Variants in RBMS3 observed in about 807,000 individuals in gnomAD.
RBMS3 encodes RNA-binding motif, single-stranded-interacting protein 3.
RBMS3 carries 27 observed loss-of-function variants against 66.8 expected under a neutral mutation model. The observed-to-expected ratio is 0.40, with a 90% CI of 0.30 to 0.56. The LOEUF is 0.56. Among genes scored for constraint, RBMS3 ranks in the 20% least tolerant of loss-of-function variants. The pLI, the probability that RBMS3 is intolerant of heterozygous loss-of-function variation, is 0.40. For synonymous variants in RBMS3, 188 were observed against 183.0 expected, an observed-to-expected ratio of 1.03 and a Z score of -0.22; for missense variants, 513 against 549.5, an observed-to-expected ratio of 0.93 and a Z score of 0.66.
At chr3:29,538,400 A>G (rs115564711) in intron 3 of RBMS3, among the ~76,000 whole-genome samples, 2,742 of 152,334 alleles carry the variant, frequency 0.018, 28 homozygotes, top group Non-Finnish European at 0.024. Context: ...GGAAAGAGAT[A>G]TATACGATTA....
chr3:29,832,704 A>G (rs1006210557), intron 6 of RBMS3, among the ~76,000 whole-genome samples: 3 of 152,156 alleles, frequency 2.0e-5, no homozygotes, highest in Admixed American at 2.0e-4. Context: ...AATTAGCATG[A>G]CTGAGTGGTT....
rs540249764 is a variant in RBMS3, at chr3:29,947,177, T to C, written c.1098+2923T>C. ...TACTTGGATTTAAGATTTTGGATAA[T>C]GAACTATTTCTTGGCAAAGTTTGAA... On this transcript the variant is annotated intron_variant, in intron 12 of 14. Transcript: ENST00000383767. Among the ~76,000 whole-genome samples, 8 of 151,678 alleles carry C rather than the reference T, an allele frequency of 5.3e-5. No homozygotes were observed. In the South Asian group the frequency reaches 1.7e-3, roughly 31 times the overall value.
chr3:29,552,404 A>G (rs1183723657), intron 3 of RBMS3, among the ~76,000 whole-genome samples: 2 of 152,200 alleles, frequency 1.3e-5, no homozygotes, highest in African/African-American at 4.8e-5. Flanking sequence ...TCTTTAATGA[A>G]AACAGTCTTT....
chr3:29,533,154 C>T (rs1036774040), intron 3 of RBMS3, among the ~76,000 whole-genome samples: 1 of 152,106 alleles, frequency 6.6e-6, no homozygotes, highest in Non-Finnish European at 1.5e-5. Flanking sequence ...CATTTTAATG[C>T]AGTTATTTTT....
intron 4 of RBMS3, among the ~76,000 whole-genome samples, chr3:29,673,482 A>G (rs1278356738): frequency 6.6e-6 from 1 of 151,628 alleles, no homozygotes; most frequent in African/African-American, 2.4e-5. Context: ...TTTTTAAAAG[A>G]TCAACAAAAT....
chr3:29,313,768 A>G (rs2034516833), intron 1 of RBMS3, among the ~76,000 whole-genome samples: 1 of 151,646 alleles, frequency 6.6e-6, no homozygotes, highest in South Asian at 2.1e-4. Flanking sequence ...TGTGCCAAAC[A>G]GGTGACTGGT....
At chr3:29,310,128 A>T (rs1368045442) in intron 1 of RBMS3, among the ~76,000 whole-genome samples, 1 of 151,734 alleles carries the variant, frequency 6.6e-6, no homozygotes, top group Non-Finnish European at 1.5e-5. Flanking sequence ...TCAAGGGCAC[A>T]GGTGGAGCAA....
chr3:29,282,210 A>G (rs1212111942), intron 1 of RBMS3, among the ~76,000 whole-genome samples: 2 of 152,104 alleles, frequency 1.3e-5, no homozygotes, highest in Non-Finnish European at 2.9e-5. Flanking sequence ...CAAACTTTTA[A>G]TCGCAGGGTA....
At chr3:29,864,827 G>A (rs536857595) in intron 6 of RBMS3, among the ~76,000 whole-genome samples, 89 of 81,996 alleles carry the variant, frequency 1.1e-3, no homozygotes, top group African/African-American at 3.0e-3. Context: ...AGGAAGGAAG[G>A]GAAGGGAAGG....
intron 2 of RBMS3, among the ~76,000 whole-genome samples, chr3:29,456,431 G>A (rs2042193041): frequency 6.6e-6 from 1 of 152,162 alleles, no homozygotes; most frequent in Non-Finnish European, 1.5e-5. Flanking sequence ...CACAGCAGCA[G>A]CGATGAGCTT....
chr3:29,449,631 A>G (rs1304655699), intron 2 of RBMS3, among the ~76,000 whole-genome samples: 2 of 152,216 alleles, frequency 1.3e-5, no homozygotes, highest in Non-Finnish European at 2.9e-5. Flanking sequence ...TGTTAATTAA[A>G]CAAAACACTT....
intron 14 of RBMS3, among the ~76,000 whole-genome samples, chr3:29,996,467 T>C (rs1699250379): frequency 6.7e-6 from 1 of 149,886 alleles, no homozygotes; most frequent in African/African-American, 2.5e-5. Context: ...GAATATACAT[T>C]TTTTTCAGCA....
At position 29,719,730 on chromosome 3, in the gene RBMS3, G is replaced by A. The variant is rs190803302; in HGVS notation, c.400-19990G>A. On this transcript the variant is annotated intron_variant, in intron 4 of 14. Coordinates refer to ENST00000383767, the MANE Select transcript of RBMS3 (RefSeq NM_001003793.3). The stretch of plus-strand genomic sequence containing the variant: ...AGTCAAAACCCTGAGATCATCCTTG[G>A]ACTTTCTTTTCTCAAATTCCTCAAA... Among the ~76,000 whole-genome samples the A allele has an allele frequency of 6.6e-5, 10 of 152,212 alleles. No individual in the cohort carries two copies. The East Asian group carries it at 1.9e-3, about 29-fold the overall frequency.
intron 2 of RBMS3, among the ~76,000 whole-genome samples, chr3:29,447,579 A>G (rs2041876413): frequency 1.3e-5 from 2 of 152,208 alleles, no homozygotes; most frequent in Non-Finnish European, 2.9e-5. Context: ...CATTTCTTGA[A>G]TAGTAAAGAT....
At chr3:29,360,591 C>A (rs1392483421) in intron 1 of RBMS3, among the ~76,000 whole-genome samples, 3 of 152,006 alleles carry the variant, frequency 2.0e-5, no homozygotes, top group African/African-American at 7.3e-5. Context: ...AGTTCAATTC[C>A]TGGATATCCT....
intron 2 of RBMS3, among the ~76,000 whole-genome samples, chr3:29,437,186 G>C (rs566047333): frequency 1.3e-5 from 2 of 152,168 alleles, no homozygotes; most frequent in Non-Finnish European, 2.9e-5. Flanking sequence ...TGGCCCTTGT[G>C]GGAGTATTTA....
Position 29,539,194 on chromosome 3 carries a change from C to G in RBMS3, c.308-47920C>G, listed in dbSNP as rs370518143. ...TAGGCTTCCAAAGCTAAGCATCTAC[C>G]CTTTTGGAAACAAAATACATTGTCG... On this transcript the variant is annotated intron_variant, in intron 3 of 14. Transcript: ENST00000383767. 3.9e-5 allele frequency among the ~76,000 whole-genome samples: 6 copies of G among 152,078 alleles called. No individual in the cohort carries two copies. The East Asian group carries it at 5.8e-4, about 15-fold the overall frequency.
At chr3:29,831,522 T>C (rs1369576950) in intron 6 of RBMS3, among the ~76,000 whole-genome samples, 1 of 152,082 alleles carries the variant, frequency 6.6e-6, no homozygotes, top group Non-Finnish European at 1.5e-5. Context: ...ATTTTTAATA[T>C]AAGGAAATGT....
At chr3:29,635,924 G>C (rs1241594067) in intron 4 of RBMS3, among the ~76,000 whole-genome samples, 1 of 151,838 alleles carries the variant, frequency 6.6e-6, no homozygotes, top group Non-Finnish European at 1.5e-5. Flanking sequence ...GGAAGAAACA[G>C]TGCCCACAGA....
Sources: gnomAD v4.1 joint callset for allele counts (sites outside exome capture counted in the v4.1 genomes callset) on GRCh38, gnomAD v4.1.1 for gene constraint, MANE v1.5 for transcripts, NCBI Gene and HGNC (gene_info 2026-07-23, HGNC 2026-07-21) for gene names.